Variants in C14orf180 observed in about 807,000 individuals in gnomAD.
C14orf180 encodes nutritionally-regulated adipose and cardiac enriched protein homolog.
A neutral mutation model predicts 13.9 loss-of-function variants in C14orf180; 13 were observed. That is an observed-to-expected ratio of 0.94 (90% CI 0.61 to 1.49). The LOEUF is 1.49. Among genes scored for constraint, C14orf180 ranks in the 40% most tolerant of loss-of-function variants. C14orf180 has a pLI of 0.00. For synonymous variants in C14orf180, 113 were observed against 106.3 expected, an observed-to-expected ratio of 1.06 and a Z score of -0.39; for missense variants, 238 against 232.0, an observed-to-expected ratio of 1.03 and a Z score of -0.17.
At position 104,589,290 on chromosome 14, in the gene C14orf180, G is replaced by A. The variant is rs1272543798; in HGVS notation, c.*507G>A. On this transcript the variant is annotated 3_prime_UTR_variant, in exon 5 of 5. Transcript: ENST00000557649. The surrounding 1 kb of genome is among the most constrained non-coding windows in gnomAD (Gnocchi z 4.9). ...GGGAGGGAAGGGTCTGGTTGTCAAG[G>A]TGGGTCCCTTTGATGTGAGGTGCCA... 1.1e-5 allele frequency: 2 copies of A among 175,932 alleles called. No homozygotes were observed. Among genetic ancestry groups the A allele is most frequent in the Non-Finnish European group, 2.4e-5 (2 of 84,268 alleles). The allele number at this position is 175,932 out of a possible 1,614,324, so 10.9% of individuals were successfully genotyped here.
chr14:104,582,273 G>A (rs929802853), intron 1 of C14orf180, among the ~76,000 whole-genome samples: 4 of 152,132 alleles, frequency 2.6e-5, no homozygotes, highest in Non-Finnish European at 4.4e-5. Context: ...AGAGCTTGGC[G>A]TTATCCAAGC....
chr14:104,588,844 G>A lies in C14orf180; in HGVS notation c.*61G>A, dbSNP rs544719196. ...AGAGCTCAAGCACTCCGGGGGCTCC[G>A]AGACAGCCTGAGCCCTGGCCCTGCT... On this transcript the variant is annotated 3_prime_UTR_variant, in exon 5 of 5. Transcript: ENST00000557649. 4.2e-5 allele frequency: 64 copies of A among 1,518,462 alleles called. No homozygotes were observed. The highest frequency in any genetic ancestry group is 5.0e-5 in the East Asian group (2 of 40,320). 94.1% of individuals were successfully genotyped at this position (1,518,462 alleles called of 1,614,324 possible). A position where few individuals can be genotyped will look rare whatever the true frequency, so the allele number is the denominator to read the frequency against.
intron 4 of C14orf180, 106 bp downstream of exon 4, chr14:104,588,415 G>A: frequency 6.5e-7 from 1 of 1,542,466 alleles, no homozygotes; most frequent in Non-Finnish European, 8.9e-7. Context: ...CCTCTAAGGA[G>A]TCCCCAGTTG....
At position 104,586,740 on chromosome 14, in the gene C14orf180, G is replaced by A. The variant is rs187514947; in HGVS notation, c.111+199G>A. Among the ~76,000 whole-genome samples the A allele has an allele frequency of 3.3e-5, 5 of 152,328 alleles. No homozygotes were observed. In the East Asian group the frequency reaches 5.8e-4, roughly 18 times the overall value. On this transcript the variant is annotated intron_variant, in intron 2 of 4. Coordinates refer to ENST00000557649, the MANE Select transcript of C14orf180 (RefSeq NM_001008404.3). ...GCCTTGAAGGATTTGGTCTGGCAGA[G>A]GAGATTGGAGGCCCCCAGGTGGGGC...
intron 1 of C14orf180, 97 bp downstream of exon 1, chr14:104,580,100 C>T (rs914519103): frequency 1.3e-5 from 2 of 152,124 alleles, no homozygotes; most frequent in Non-Finnish European, 2.9e-5. Context: ...GGTGGGGAAC[C>T]TGCCCCAGCT....
chr14:104,585,046 T>C (rs1206828868), intron 1 of C14orf180, among the ~76,000 whole-genome samples: 2 of 152,144 alleles, frequency 1.3e-5, no homozygotes, highest in African/African-American at 4.8e-5. Flanking sequence ...TTGAGGACCA[T>C]GTAGGCCCCT....
At chr14:104,585,054 C>G (rs1267601112) in intron 1 of C14orf180, among the ~76,000 whole-genome samples, 1 of 152,248 alleles carries the variant, frequency 6.6e-6, no homozygotes, top group Non-Finnish European at 1.5e-5. Context: ...CATGTAGGCC[C>G]CTCACTCTCA....
chr14:104,588,140 G>A, intron 3 of C14orf180, 134 bp from the exon 4 acceptor site: 1 of 1,119,936 alleles, frequency 8.9e-7, no homozygotes, highest in Non-Finnish European at 1.3e-6. Flanking sequence ...GAAGTGTCAG[G>A]ACCGGCTGGG....
In C14orf180 at chr14:104,588,189, G is replaced by A. The variant is rs1023543542; in HGVS notation, c.242-85G>A. On this transcript the variant is annotated intron_variant, in intron 3 of 4. Coordinates refer to ENST00000557649, the MANE Select transcript of C14orf180 (RefSeq NM_001008404.3). ...CTGATGAATAGTCTCAGGGTCCTTCGGGGGTGCAGGGTGAGACGAGAGGGC... is the reference window on the plus strand; with the variant it reads ...CTGATGAATAGTCTCAGGGTCCTTCAGGGGTGCAGGGTGAGACGAGAGGGC... 8.5e-5 allele frequency: 130 copies of A among 1,527,842 alleles called. No homozygotes were observed. The African/African-American group carries it at 1.4e-3, about 17-fold the overall frequency. The allele number at this position is 1,527,842 out of a possible 1,614,324, so 94.6% of individuals were successfully genotyped here.
intron 1 of C14orf180, among the ~76,000 whole-genome samples, chr14:104,585,822 G>A (rs1027823073): frequency 6.6e-5 from 10 of 152,232 alleles, no homozygotes; most frequent in African/African-American, 1.2e-4. Context: ...GCGGGGGCGC[G>A]GTGCAGAGAG....
chr14:104,588,503 C>G, intron 4 of C14orf180, 75 bp from the exon 5 acceptor site: 1 of 1,440,334 alleles, frequency 6.9e-7, no homozygotes, highest in Non-Finnish European at 9.2e-7. Context: ...CTCCCCATCC[C>G]TTCCCCACCA....
At chr14:104,585,562 A>G in intron 1 of C14orf180, among the ~76,000 whole-genome samples, 1 of 152,224 alleles carries the variant, frequency 6.6e-6, no homozygotes. Flanking sequence ...AGGAGGCGCC[A>G]TTCACAGCCA....
At chr14:104,588,188 C>A in intron 3 of C14orf180, 86 bp from the exon 4 acceptor site, 1 of 1,526,704 alleles carries the variant, frequency 6.6e-7, no homozygotes. Context: ...CAGGGTCCTT[C>A]GGGGGTGCAG....
At position 104,588,894 on chromosome 14, in the gene C14orf180, A is replaced by G; in HGVS notation, c.*111A>G. The G allele has an allele frequency of 6.8e-7, 1 of 1,474,034 alleles. No individual in the cohort carries two copies. Among genetic ancestry groups the G allele is most frequent in the Non-Finnish European group, 9.0e-7 (1 of 1,113,080 alleles). The allele number at this position is 1,474,034 out of a possible 1,614,324, so 91.3% of individuals were successfully genotyped here. ...TGCTTGGTGAATCATGGGGGCCAAA[A>G]GGGGCTGCTGCCTGAGGGCTAACTA... On this transcript the variant is annotated 3_prime_UTR_variant, in exon 5 of 5. Coordinates refer to ENST00000557649, the MANE Select transcript of C14orf180 (RefSeq NM_001008404.3).
intron 1 of C14orf180, chr14:104,581,504 C>T (rs1401165431): frequency 6.6e-6 from 1 of 152,222 alleles, no homozygotes; most frequent in Non-Finnish European, 1.5e-5. Context: ...AACTTCTCAG[C>T]TGGTTGTGAG....
At chr14:104,581,998 C>T (rs74088179) in intron 1 of C14orf180, among the ~76,000 whole-genome samples, 1,796 of 147,220 alleles carry the variant, frequency 0.012, 6 homozygotes, top group African/African-American at 0.046. Context: ...AGTGTGGGGC[C>T]GCACGCTCAG....
At chr14:104,588,333 G>C (rs1886708492) in intron 4 of C14orf180, 24 bp downstream of exon 4, 3 of 1,610,054 alleles carry the variant, frequency 1.9e-6, no homozygotes, top group Non-Finnish European at 2.5e-6. Context: ...CCACATCCCT[G>C]TGCCCCACTG....
Position 104,587,893 on chromosome 14 carries a change from G to C in C14orf180, c.241+15G>C. 6.3e-7 allele frequency: 1 copy of C among 1,594,670 alleles called. No homozygotes were observed. Among genetic ancestry groups the C allele is most frequent in the Middle Eastern group, 1.7e-4 (1 of 5,992 alleles). On this transcript the variant is annotated intron_variant, in intron 3 of 4. Transcript: ENST00000557649. ...GACCGTCCACTGTAAGAGGGCACCC[G>C]CAGCAAGCAGCTGGGAGAGGGTGGA...
At chr14:104,586,828 G>A (rs1886645326) in intron 2 of C14orf180, among the ~76,000 whole-genome samples, 1 of 152,182 alleles carries the variant, frequency 6.6e-6, no homozygotes, top group Non-Finnish European at 1.5e-5. Context: ...AGGGAGGAGG[G>A]TGTTGGAGGA....
Sources: allele counts gnomAD v4.1 joint callset (sites outside exome capture counted in the v4.1 genomes callset), GRCh38; gene constraint gnomAD v4.1.1; non-coding constraint Gnocchi (gnomAD v3.1); transcripts MANE v1.5; gene names NCBI Gene and HGNC (gene_info 2026-07-23, HGNC 2026-07-21).